The following AMZ2 variants were observed in gnomAD, a reference collection of about 807,000 sequenced individuals.
AMZ2 encodes archaelysin family metallopeptidase 2, also known as archaemetzincin-2.
A neutral mutation model predicts 36.7 loss-of-function variants in AMZ2; 26 were observed. The ratio of observed to expected loss-of-function variants is 0.71; its 90% CI spans 0.52 to 0.98. AMZ2 has a LOEUF of 0.98. AMZ2 is among the 50% of genes least tolerant of loss of function. The pLI, the probability that AMZ2 is intolerant of heterozygous loss-of-function variation, is 0.00. For synonymous variants in AMZ2, 144 were observed against 149.1 expected, an observed-to-expected ratio of 0.97 and a Z score of 0.25; for missense variants, 394 against 430.5, an observed-to-expected ratio of 0.92 and a Z score of 0.75.
intron 5 of AMZ2, 88 bp downstream of exon 5, chr17:68,254,655 T>G (rs1451850547): frequency 1.7e-6 from 2 of 1,189,580 alleles, no homozygotes; most frequent in East Asian, 2.5e-5. Context: ...TAAGGTAATA[T>G]TATAAATGAG....
At chr17:68,247,357 A>AAGAAAAAGAAATAAG (rs2074069956), upstream of AMZ2, 2 of 133,762 alleles carry the variant, frequency 1.5e-5, no homozygotes, top group African/African-American at 6.2e-5. Context: ...AAAAAAAAAA[A>AAGAAAAAGAAATAAG]AAAGCAAGAA....
At chr17:68,209,632 A>ATTTTTT (rs1224207690) in intron 1 of AMZ2, among the ~76,000 whole-genome samples, 18 of 90,680 alleles carry the variant, frequency 2.0e-4, no homozygotes, top group Non-Finnish European at 3.0e-4. Context: ...ATATATATAT[A>ATTTTTT]TTTTTTTTTT....
chr17:68,247,878 G>C (rs1204199879), upstream of AMZ2: 3 of 985,436 alleles, frequency 3.0e-6, no homozygotes, highest in African/African-American at 5.2e-5. Flanking sequence ...TGGAAGAGGC[G>C]GGTCGCGGCC....
upstream of AMZ2, chr17:68,247,948 G>A (rs373179763): frequency 2.5e-4 from 247 of 984,680 alleles, no homozygotes; most frequent in Middle Eastern, 5.2e-4. Flanking sequence ...TGGCATGGGT[G>A]GGTCGTGAGT....
chr17:68,223,898 A>T (rs556228355), intron 1 of AMZ2, among the ~76,000 whole-genome samples: 2,222 of 111,656 alleles, frequency 0.02, 26 homozygotes, highest in African/African-American at 0.037. Context: ...ATATATATAT[A>T]TTTTTTTTTG....
intron 1 of AMZ2, among the ~76,000 whole-genome samples, chr17:68,227,672 G>A (rs1291627274): frequency 1.3e-5 from 2 of 152,034 alleles, no homozygotes; most frequent in Non-Finnish European, 2.9e-5. Context: ...CCTTCTCCTC[G>A]GTGTGTCTGA....
chr17:68,256,379 G>GA (rs1356961941), intron 6 of AMZ2, among the ~76,000 whole-genome samples: 6 of 152,324 alleles, frequency 3.9e-5, no homozygotes, highest in Middle Eastern at 3.4e-3. Flanking sequence ...TCATGGGTAT[G>GA]ACTGCATTCA....
At chr17:68,215,140 T>C (rs2073164540) in intron 1 of AMZ2, among the ~76,000 whole-genome samples, 1 of 152,244 alleles carries the variant, frequency 6.6e-6, no homozygotes, top group South Asian at 2.1e-4. Context: ...CAAAATGAAA[T>C]CTGTCACCTT....
At chr17:68,241,778 T>A (rs1555734018) in intron 1 of AMZ2, among the ~76,000 whole-genome samples, 1 of 145,796 alleles carries the variant, frequency 6.9e-6, no homozygotes, top group Non-Finnish European at 1.5e-5. Flanking sequence ...CAGGCTGAAG[T>A]GCAGTGGCAT....
intron 1 of AMZ2, among the ~76,000 whole-genome samples, chr17:68,211,230 C>T (rs1455185264): frequency 2.6e-5 from 4 of 151,882 alleles, no homozygotes; most frequent in Non-Finnish European, 5.9e-5. Flanking sequence ...TGGCCGGGCA[C>T]GGTGGCTCAC....
At chr17:68,208,078 G>A (rs2072897685) in intron 1 of AMZ2, among the ~76,000 whole-genome samples, 1 of 152,186 alleles carries the variant, frequency 6.6e-6, no homozygotes, top group African/African-American at 2.4e-5. Flanking sequence ...CCTGCAGCCC[G>A]CCATGCCTGA....
At chr17:68,214,929 G>A (rs2073159231) in intron 1 of AMZ2, among the ~76,000 whole-genome samples, 1 of 90,330 alleles carries the variant, frequency 1.1e-5, no homozygotes, top group African/African-American at 3.4e-5. Context: ...GACTACAGGT[G>A]TGTGACACCA....
At chr17:68,228,637 G>T (rs1216879717) in intron 1 of AMZ2, among the ~76,000 whole-genome samples, 6 of 152,250 alleles carry the variant, frequency 3.9e-5, no homozygotes, top group Non-Finnish European at 8.8e-5. Flanking sequence ...GATAGCTTCA[G>T]TGTTTCCCAG....
chr17:68,209,874 GC>G (rs2072989152), intron 1 of AMZ2, among the ~76,000 whole-genome samples: 1 of 151,388 alleles, frequency 6.6e-6, no homozygotes, highest in Admixed American at 6.6e-5. Context: ...ACCCCCTTTG[GC>G]CCCCCAAAAT....
intron 1 of AMZ2, among the ~76,000 whole-genome samples, chr17:68,238,902 C>T (rs1160252384): frequency 6.6e-6 from 1 of 152,180 alleles, no homozygotes; most frequent in Non-Finnish European, 1.5e-5. Flanking sequence ...CTAATGGCCT[C>T]TCTCCCTTGG....
chr17:68,239,121 G>C (rs1288582658), intron 1 of AMZ2, among the ~76,000 whole-genome samples: 1 of 152,204 alleles, frequency 6.6e-6, no homozygotes, highest in Non-Finnish European at 1.5e-5. Flanking sequence ...TTTGAGGGCA[G>C]GTTCTCTGCA....
chr17:68,227,659 C>T (rs1176457619), intron 1 of AMZ2, among the ~76,000 whole-genome samples: 4 of 152,154 alleles, frequency 2.6e-5, no homozygotes, highest in East Asian at 3.9e-4. Context: ...CATCTTCACA[C>T]GGCCTTCTCC....
At chr17:68,243,154 T>G (rs76028858), upstream of AMZ2, among the ~76,000 whole-genome samples, 28 of 151,974 alleles carry the variant, frequency 1.8e-4, no homozygotes, top group Non-Finnish European at 3.4e-4. Flanking sequence ...TTTTTTTTTT[T>G]GAGACAATCT....
At chr17:68,209,633 T>TATATATATATATATATA (rs1555725395) in intron 1 of AMZ2, among the ~76,000 whole-genome samples, 1 of 78,828 alleles carries the variant, frequency 1.3e-5, no homozygotes, top group African/African-American at 5.0e-5. Flanking sequence ...TATATATATA[T>TATATATATATATATATA]TTTTTTTTTT....
Sources: allele counts gnomAD v4.1 joint callset (sites outside exome capture counted in the v4.1 genomes callset), GRCh38; gene constraint gnomAD v4.1.1; transcripts MANE v1.5; gene names NCBI Gene and HGNC (gene_info 2026-07-23, HGNC 2026-07-21).